The following AKT2 variants were observed in gnomAD, a reference collection of about 807,000 sequenced individuals.
AKT2 encodes the protein AKT serine/threonine kinase 2.
AKT2 carries 16 observed loss-of-function variants against 58.6 expected under a neutral mutation model. The observed-to-expected ratio is 0.27, with a 90% CI of 0.18 to 0.41. AKT2 has a LOEUF of 0.41. Among genes scored for constraint, AKT2 ranks in the 10% least tolerant of loss-of-function variants. The pLI, the probability that AKT2 is intolerant of heterozygous loss-of-function variation, is 1.00. For missense variants in AKT2, 438 were observed against 661.0 expected (o/e 0.66, Z 3.70); for synonymous variants, 253 against 254.0 (o/e 1.00, Z 0.04).
chr19:40,275,774 G>GGT (rs2077307655), intron 1 of AKT2, among the ~76,000 whole-genome samples: 1 of 95,008 alleles, frequency 1.1e-5, no homozygotes, highest in Non-Finnish European at 2.3e-5. Flanking sequence ...TGGGGGGGGG[G>GGT]GGGGTGGGCG....
intron 2 of AKT2, 145 bp from the exon 3 acceptor site, chr19:40,257,199 C>A (rs912414652): frequency 2.7e-6 from 3 of 1,096,180 alleles, no homozygotes; most frequent in African/African-American, 3.1e-5. Context: ...GAATGCCTCT[C>A]CCAGAGGAGC....
chr19:40,264,566 T>C (rs1204510715), intron 2 of AKT2, among the ~76,000 whole-genome samples: 3 of 152,098 alleles, frequency 2.0e-5, no homozygotes, highest in Admixed American at 6.5e-5. Context: ...AGCCACGCTG[T>C]TACCAGAAAA....
chr19:40,242,382 C>T lies in AKT2; in HGVS notation c.441+152G>A. 8.1e-7 allele frequency: 1 copy of T among 1,237,016 alleles called. No homozygotes were observed. The allele number at this position is 1,237,016 out of a possible 1,614,324, so 76.6% of individuals were successfully genotyped here. A position where few individuals can be genotyped will look rare whatever the true frequency, so the allele number is the denominator to read the frequency against. ...TACGGGCATGGAGCACACCCTAGGG[C>T]ACCTGCCACCTGAAATCACCCCACC... On this transcript the variant is annotated intron_variant, in intron 5 of 13. Transcript: ENST00000392038. This position sits in a 1 kb window ranked among gnomAD's most constrained non-coding sequence, Gnocchi z 4.3.
At chr19:40,252,852 CTGG>C (rs753510578) in intron 4 of AKT2, among the ~76,000 whole-genome samples, 39 of 152,240 alleles carry the variant, frequency 2.6e-4, no homozygotes, top group Non-Finnish European at 4.3e-4. Context: ...TATACACCCA[CTGG>C]TCTCGATCTG....
At position 40,235,732 on chromosome 19, in the gene AKT2, A is replaced by C. The variant is rs571145890; in HGVS notation, c.1175+158T>G. ...AGGATGGGCCTGCCCTGGGGGAAGCACTCCCTAAGTGCCACTGTGGACGTT... is the reference window on the plus strand; with the variant it reads ...AGGATGGGCCTGCCCTGGGGGAAGCCCTCCCTAAGTGCCACTGTGGACGTT... On this transcript the variant is annotated intron_variant, in intron 11 of 13. Transcript: ENST00000392038. The surrounding 1 kb of genome is among the most constrained non-coding windows in gnomAD (Gnocchi z 6.3). Among the ~76,000 whole-genome samples the C allele has an allele frequency of 2.0e-5, 3 of 152,120 alleles. No individual in the cohort carries two copies. In the South Asian group the frequency reaches 6.2e-4, roughly 32 times the overall value.
chr19:40,234,049 GC>G lies in AKT2; in HGVS notation c.1367-99del. 7.9e-7 allele frequency: 1 copy of G among 1,261,756 alleles called. No homozygotes were observed. The highest frequency in any genetic ancestry group is 1.1e-6 in the Non-Finnish European group (1 of 900,842). The allele number at this position is 1,261,756 out of a possible 1,614,324, so 78.2% of individuals were successfully genotyped here. On this transcript the variant is annotated intron_variant, in intron 13 of 13. Coordinates refer to ENST00000392038, the MANE Select transcript of AKT2 (RefSeq NM_001626.6). The surrounding 1 kb of genome is among the most constrained non-coding windows in gnomAD (Gnocchi z 4.7). ...GAAACGGCCCCAGCTGGCGGGGGCTGCCCACAGGACAGGACAGGAAAGGCCC... is the reference window on the plus strand; with the variant it reads ...GAAACGGCCCCAGCTGGCGGGGGCTGCCACAGGACAGGACAGGAAAGGCCC...
At position 40,238,532 on chromosome 19, in the gene AKT2, G is replaced by C. The variant is rs11670860; in HGVS notation, c.708+373C>G. 6.6e-6 allele frequency among the ~76,000 whole-genome samples: 1 copy of C among 152,034 alleles called. No homozygotes were observed. Among genetic ancestry groups the C allele is most frequent in the Non-Finnish European group, 1.5e-5 (1 of 67,996 alleles). ...CTGTAAGGGGAAGCTGAGCGGCTGC[G>C]GGAATTCACTTCGAGAGGACACGGG... On this transcript the variant is annotated intron_variant, in intron 8 of 13. Transcript: ENST00000392038. The surrounding 1 kb of genome is among the most constrained non-coding windows in gnomAD (Gnocchi z 5.1).
At position 40,262,311 on chromosome 19, in the gene AKT2, G is replaced by A. The variant is rs542889232; in HGVS notation, c.46+2911C>T. ...CCTCACAATTGTATTCCTATTTTGC[G>A]GATGGGGAAACTGAGTCACAGAGAG... On this transcript the variant is annotated intron_variant, in intron 2 of 13. Transcript: ENST00000392038. 7.2e-5 allele frequency among the ~76,000 whole-genome samples: 11 copies of A among 152,062 alleles called. 1 individual carries two copies. The highest frequency in any genetic ancestry group is 3.4e-3 in the Middle Eastern group (1 of 294).
intron 1 of AKT2, among the ~76,000 whole-genome samples, chr19:40,283,508 G>A (rs12459061): frequency 6.6e-6 from 1 of 152,174 alleles, no homozygotes; most frequent in Non-Finnish European, 1.5e-5. Context: ...TCACTGCTGC[G>A]GACTAGGGGC....
intron 4 of AKT2, chr19:40,243,886 T>C (rs1031271273): frequency 1.3e-5 from 2 of 150,960 alleles, no homozygotes; most frequent in African/African-American, 4.9e-5. Flanking sequence ...CTACTAAAAA[T>C]ACAAAAAATT....
intron 4 of AKT2, among the ~76,000 whole-genome samples, chr19:40,244,867 C>T (rs535495442): frequency 3.9e-5 from 6 of 152,312 alleles, no homozygotes; most frequent in South Asian, 2.1e-4. Flanking sequence ...AAATCCAAGC[C>T]GGGACACCCT....
At chr19:40,273,961 C>A (rs566924567) in intron 1 of AKT2, among the ~76,000 whole-genome samples, 1 of 152,160 alleles carries the variant, frequency 6.6e-6, no homozygotes, top group Non-Finnish European at 1.5e-5. Flanking sequence ...CTGGTCTGCT[C>A]GCTCCAACAC....
rs1017724908 is a variant in AKT2 at position 40,233,503 on chromosome 19, A to C, written c.*369T>G. ...AAGGCAGCCTTCGTCCAGATGCAGC[A>C]GCGCGGAGGCAGACACCAGCACGAC... is the stretch of plus-strand genomic sequence containing the variant. On this transcript the variant is annotated 3_prime_UTR_variant, in exon 14 of 14. Coordinates refer to ENST00000392038, the MANE Select transcript of AKT2 (RefSeq NM_001626.6). The surrounding 1 kb of genome is among the most constrained non-coding windows in gnomAD (Gnocchi z 4.3). The C allele has an allele frequency of 3.1e-5, 18 of 586,248 alleles. No individual in the cohort carries two copies. Among genetic ancestry groups the C allele is most frequent in the Non-Finnish European group, 5.6e-5 (17 of 304,806 alleles). 36.3% of individuals were successfully genotyped at this position (586,248 alleles called of 1,614,324 possible). A position where few individuals can be genotyped will look rare whatever the true frequency, so the allele number is the denominator to read the frequency against.
chr19:40,255,315 T>G, intron 3 of AKT2, 46 bp from the exon 4 acceptor site: 8 of 1,528,640 alleles, frequency 5.2e-6, no homozygotes, highest in Non-Finnish European at 6.3e-6. Flanking sequence ...GGGATAGCCC[T>G]GCTAGCCTGC....
chr19:40,272,255 GGACT>G (rs1426355183), intron 1 of AKT2, among the ~76,000 whole-genome samples: 1 of 152,222 alleles, frequency 6.6e-6, no homozygotes, highest in Non-Finnish European at 1.5e-5. Context: ...AGGCAGATCT[GGACT>G]GGGGTCCTTG....
intron 1 of AKT2, chr19:40,282,199 C>A: frequency 4.2e-6 from 1 of 237,892 alleles, no homozygotes; most frequent in Non-Finnish European, 8.5e-6. Flanking sequence ...ATAATCATGA[C>A]TGCCAACCAA....
chr19:40,257,819 G>T (rs1426136730), intron 2 of AKT2, among the ~76,000 whole-genome samples: 1 of 152,152 alleles, frequency 6.6e-6, no homozygotes, highest in African/African-American at 2.4e-5. Context: ...GTCATAAAAA[G>T]AAACGAAGTA....
At chr19:40,277,761 T>C (rs1451354267) in intron 1 of AKT2, among the ~76,000 whole-genome samples, 1 of 152,116 alleles carries the variant, frequency 6.6e-6, no homozygotes, top group Non-Finnish European at 1.5e-5. Context: ...AGATCTCTGT[T>C]CCCTCCTTCA....
chr19:40,270,637 C>A (rs1976637836), intron 1 of AKT2: 1 of 152,162 alleles, frequency 6.6e-6, no homozygotes, highest in South Asian at 2.1e-4. Flanking sequence ...GCAGCGACCC[C>A]CTCAGGAGCC....
Sources: gnomAD v4.1 joint callset for allele counts (sites outside exome capture counted in the v4.1 genomes callset) on GRCh38, gnomAD v4.1.1 for gene constraint, Gnocchi (gnomAD v3.1) non-coding constraint, MANE v1.5 for transcripts, NCBI Gene and HGNC (gene_info 2026-07-23, HGNC 2026-07-21) for gene names.